Variants in SCG3 observed in about 807,000 individuals in gnomAD.
The protein encoded by SCG3 is secretogranin-3.
SCG3 carries 38 observed loss-of-function variants against 56.2 expected under a neutral mutation model. The ratio of observed to expected loss-of-function variants is 0.68; its 90% CI spans 0.52 to 0.89. SCG3 has a LOEUF of 0.89. Ranked by LOEUF, SCG3 falls within the 40% of genes least tolerant of loss-of-function variation. The pLI is 0.00. For missense variants in SCG3, 524 were observed against 540.7 expected (o/e 0.97, Z 0.31); for synonymous variants, 176 against 184.2 (o/e 0.96, Z 0.36).
chr15:51,713,563 A>G (rs1403550758), intron 11 of SCG3, 150 bp downstream of exon 11: 1 of 516,186 alleles, frequency 1.9e-6, no homozygotes, highest in Admixed American at 4.1e-5. Context: ...ACAGAGGGGA[A>G]CAGAACCTCC....
chr15:51,704,444 T>C (rs1359056495), intron 10 of SCG3, among the ~76,000 whole-genome samples: 2 of 150,554 alleles, frequency 1.3e-5, no homozygotes, highest in Admixed American at 1.3e-4. Context: ...AAACTGAAAC[T>C]CTGTACCAAT....
chr15:51,693,803 T>A (rs2055284319), intron 7 of SCG3: 3 of 152,216 alleles, frequency 2.0e-5, no homozygotes. Flanking sequence ...GGCTTGTACA[T>A]CTTGAGGGTC....
At position 51,682,654 on chromosome 15, in the gene SCG3, C is replaced by A; in HGVS notation, c.135+85C>A. The stretch of plus-strand genomic sequence containing the variant: ...TGTAATTATGCTGTGACATTTTGGT[C>A]ATTTTGAATTTACAAACATCAGGAA... On this transcript the variant is annotated intron_variant, in intron 2 of 11. Coordinates refer to ENST00000220478, the MANE Select transcript of SCG3 (RefSeq NM_013243.4). The A allele has an allele frequency of 4.8e-6, 4 of 833,532 alleles. No individual in the cohort carries two copies. The South Asian group carries it at 5.4e-5, about 11-fold the overall frequency. 51.6% of individuals were successfully genotyped at this position (833,532 alleles called of 1,614,324 possible).
intron 10 of SCG3, among the ~76,000 whole-genome samples, chr15:51,705,722 A>T (rs2141575204): frequency 6.6e-6 from 1 of 152,224 alleles, no homozygotes; most frequent in South Asian, 2.1e-4. Context: ...GGGTTTCACC[A>T]TGTTGGCCAG....
chr15:51,695,592 A>G (rs1378655842), intron 7 of SCG3: 2 of 229,002 alleles, frequency 8.7e-6, no homozygotes, highest in Non-Finnish European at 1.7e-5. Context: ...AAAATATTTC[A>G]GTAAAATACT....
intron 9 of SCG3, 25 bp from the exon 10 acceptor site, chr15:51,701,082 A>G: frequency 6.2e-7 from 1 of 1,612,496 alleles, no homozygotes; most frequent in Non-Finnish European, 8.5e-7. Flanking sequence ...CAGGGCTATG[A>G]CAACAATGCT....
intron 11 of SCG3, among the ~76,000 whole-genome samples, chr15:51,717,250 C>T (rs1030835188): frequency 1.3e-5 from 2 of 152,066 alleles, no homozygotes; most frequent in Non-Finnish European, 2.9e-5. Context: ...TGCCTGTAGT[C>T]CCAGCTGCTC....
chr15:51,692,044 A>G (rs867767111), intron 6 of SCG3, 115 bp from the exon 7 acceptor site: 7 of 975,178 alleles, frequency 7.2e-6, no homozygotes, highest in Middle Eastern at 2.3e-4. Flanking sequence ...GAGCTTGCAA[A>G]CGAGGGGGAA....
chr15:51,711,645 T>C (rs1169742612), intron 10 of SCG3, among the ~76,000 whole-genome samples: 1 of 152,220 alleles, frequency 6.6e-6, no homozygotes, highest in Non-Finnish European at 1.5e-5. Context: ...TTAAAATTAT[T>C]ATTTATGTAT....
chr15:51,700,812 T>G, intron 9 of SCG3, among the ~76,000 whole-genome samples: 1 of 109,810 alleles, frequency 9.1e-6, no homozygotes. Flanking sequence ...TGTGGCAGAA[T>G]GGAAAAAATA....
At chr15:51,709,701 A>ATATATTTTTT (rs2055404633) in intron 10 of SCG3, among the ~76,000 whole-genome samples, 1 of 22,966 alleles carries the variant, frequency 4.4e-5, no homozygotes, top group Non-Finnish European at 6.5e-5. Flanking sequence ...ATATATATAT[A>ATATATTTTTT]TTTTTTTTTT....
At chr15:51,689,168 TA>T in intron 5 of SCG3, 50 bp from the exon 6 acceptor site, 1 of 1,568,946 alleles carries the variant, frequency 6.4e-7, no homozygotes, top group Non-Finnish European at 8.7e-7. Flanking sequence ...TATTTTTTAA[TA>T]ACAAGACTGG....
intron 10 of SCG3, among the ~76,000 whole-genome samples, chr15:51,704,268 T>C (rs1024446825): frequency 7.5e-6 from 1 of 133,178 alleles, no homozygotes; most frequent in Admixed American, 7.9e-5. Flanking sequence ...TATATATATA[T>C]ATATATATAT....
At chr15:51,682,608 G>T in intron 2 of SCG3, 39 bp downstream of exon 2, 2 of 1,122,328 alleles carry the variant, frequency 1.8e-6, no homozygotes, top group East Asian at 2.8e-5. Flanking sequence ...ATTTCATTTT[G>T]ATTTAGTTAT....
chr15:51,695,776 AC>A, intron 7 of SCG3, 98 bp from the exon 8 acceptor site: 5 of 732,124 alleles, frequency 6.8e-6, no homozygotes, highest in East Asian at 2.5e-5. Flanking sequence ...AAAAAAAAAA[AC>A]CCAAACAAAC....
At position 51,705,559 on chromosome 15, in the gene SCG3, T is replaced by A. The variant is rs561303337; in HGVS notation, c.1207+4315T>A. Among the ~76,000 whole-genome samples the A allele has an allele frequency of 7.2e-5, 11 of 151,730 alleles. No individual in the cohort carries two copies. The East Asian group carries it at 2.1e-3, about 29-fold the overall frequency. On this transcript the variant is annotated intron_variant, in intron 10 of 11. Transcript: ENST00000220478. ...TTTCCCGAGACAGAGTCTCTATCTA[T>A]CTCCCAGGTGGGAGTGCAATGGTGT...
intron 5 of SCG3, among the ~76,000 whole-genome samples, 161 bp downstream of exon 5, chr15:51,688,563 TAGG>T (rs3078106): frequency 0.2 from 31,029 of 151,788 alleles, 3,717 homozygotes; most frequent in East Asian, 0.54. Flanking sequence ...CTTTTTTTTC[TAGG>T]AGTTTATCAT....
Position 51,695,989 on chromosome 15 carries a change from T to A in SCG3, c.983T>A (p.Leu328His). ...TCTCCAGAAGAAGGTGTTTCCTACCTTGGTGAGATTCTATGTGTTTTGTTT... is the reference window on the plus strand; with the variant it reads ...TCTCCAGAAGAAGGTGTTTCCTACCATGGTGAGATTCTATGTGTTTTGTTT... ...TISPEEGVSY[L>H]ENLDEMIALQ... is the part of the protein sequence containing the mutation. Residue 328 changes from leucine to histidine, a missense_variant and splice_region_variant, in exon 8 of 12, where the codon CTT becomes CAT. By Grantham distance (99) the Leu-to-His change is moderately conservative (BLOSUM62 -3). Transcript: ENST00000220478. 6.5e-7 allele frequency: 1 copy of A among 1,530,054 alleles called. No homozygotes were observed. The highest frequency in any genetic ancestry group is 9.1e-7 in the Non-Finnish European group (1 of 1,104,450). The allele number at this position is 1,530,054 out of a possible 1,614,324, so 94.8% of individuals were successfully genotyped here. A position where few individuals can be genotyped will look rare whatever the true frequency, so the allele number is the denominator to read the frequency against.
intron 10 of SCG3, among the ~76,000 whole-genome samples, chr15:51,712,880 C>T (rs1022143333): frequency 8.5e-5 from 13 of 152,212 alleles, no homozygotes; most frequent in African/African-American, 2.9e-4. Context: ...CAAAGCCACA[C>T]ATTTGGACTT....
Sources: gnomAD v4.1 joint callset for allele counts (sites outside exome capture counted in the v4.1 genomes callset) on GRCh38, gnomAD v4.1.1 for gene constraint, MANE v1.5 for transcripts, NCBI Gene and HGNC (gene_info 2026-07-23, HGNC 2026-07-21) for gene names.